ZBBX: variants seen among roughly 807,000 people sequenced by gnomAD.
ZBBX encodes the protein zinc finger B-box domain-containing protein 1.
A neutral mutation model predicts 108.5 loss-of-function variants in ZBBX; 101 were observed. The observed-to-expected ratio is 0.93, with a 90% CI of 0.79 to 1.10. The LOEUF is 1.10. Ranked by LOEUF, ZBBX falls within the 50% of genes least tolerant of loss-of-function variation. ZBBX has a pLI of 0.00. For synonymous variants in ZBBX, 356 were observed against 323.4 expected (o/e 1.10, Z -1.08); for missense variants, 1,009 against 941.4 (o/e 1.07, Z -0.94).
chr3:167,204,243 C>CT, the ZBBX span, among the ~76,000 whole-genome samples: 612 of 28,370 alleles, frequency 0.022, 2 homozygotes, highest in African/African-American at 0.064. Flanking sequence ...CTTTTCTTTT[C>CT]TTTTTTTTTT....
At chr3:167,251,925 AACACACACACAC>A (rs3221849) in intron 20 of ZBBX, among the ~76,000 whole-genome samples, 1 of 143,724 alleles carries the variant, frequency 7.0e-6, no homozygotes, top group African/African-American at 2.6e-5. Context: ...TTGTGCCTGC[AACACACACACAC>A]ACACACACAC....
chr3:167,330,871 G>GAAGAATAAGAAGAAGAAGAAGAAGA (rs1553820669), intron 10 of ZBBX, among the ~76,000 whole-genome samples: 1 of 43,916 alleles, frequency 2.3e-5, no homozygotes, highest in Non-Finnish European at 4.5e-5. Context: ...GGAGGAGGAG[G>GAAGAATAAGAAGAAGAAGAAGAAGA]AGAAGAAGAA....
At chr3:167,222,222 CAA>C in the ZBBX span, among the ~76,000 whole-genome samples, 5,125 of 143,224 alleles carry the variant, frequency 0.036, 131 homozygotes, top group African/African-American at 0.072. Context: ...ACTATTTGGC[CAA>C]AAAAAAAAAA....
At chr3:167,320,450 A>C (rs1736254205) in intron 12 of ZBBX, among the ~76,000 whole-genome samples, 2 of 152,010 alleles carry the variant, frequency 1.3e-5, no homozygotes. Context: ...TTCTTTTAAG[A>C]GGAATTCCAA....
intron 20 of ZBBX, among the ~76,000 whole-genome samples, chr3:167,277,962 A>G (rs912118558): frequency 3.3e-5 from 5 of 150,292 alleles, no homozygotes; most frequent in African/African-American, 9.9e-5. Context: ...AAACCACTCA[A>G]CTACATGGAA....
At chr3:167,277,444 C>T (rs1370384559) in intron 20 of ZBBX, among the ~76,000 whole-genome samples, 2 of 152,024 alleles carry the variant, frequency 1.3e-5, no homozygotes, top group Non-Finnish European at 2.9e-5. Flanking sequence ...GCAGGGATTG[C>T]AATCCTAGTC....
At chr3:167,228,583 C>A in the ZBBX span, among the ~76,000 whole-genome samples, 2 of 151,824 alleles carry the variant, frequency 1.3e-5, no homozygotes, top group Non-Finnish European at 2.9e-5. Flanking sequence ...AATGCGTTTG[C>A]ATTCCCTGAT....
intron 20 of ZBBX, among the ~76,000 whole-genome samples, chr3:167,270,249 G>A (rs1236786862): frequency 6.6e-6 from 1 of 152,122 alleles, no homozygotes; most frequent in Non-Finnish European, 1.5e-5. Flanking sequence ...AATAGTGCCG[G>A]AGCAAGTTGA....
rs1350238018 is a variant in ZBBX, at chr3:167,282,346, C to T, written c.2146G>A (p.Glu716Lys). ...TTCTGGTCAGTAATATCAATATATT[C>T]AATTTCTGAAATTTCAGAAGCAGCT... ...SRAASEISEI[E>K]YIDITDQNEL... Residue 716 changes from glutamate (E) to lysine (K), a missense_variant, in exon 20 of 22, where the codon GAA (glutamate) becomes AAA (lysine). Coordinates refer to ENST00000675490, the MANE Select transcript of ZBBX (RefSeq NM_001199201.2). The T allele has an allele frequency of 6.2e-7, 1 of 1,614,038 alleles. No homozygotes were observed. The highest frequency in any genetic ancestry group is 2.2e-5 in the East Asian group (1 of 44,866).
intron 17 of ZBBX, among the ~76,000 whole-genome samples, chr3:167,302,640 A>G (rs904361696): frequency 6.6e-6 from 1 of 152,170 alleles, no homozygotes; most frequent in Non-Finnish European, 1.5e-5. Flanking sequence ...GAAGGGTCTG[A>G]GATTTTATCC....
the ZBBX span, among the ~76,000 whole-genome samples, chr3:167,194,257 T>TATA: frequency 3.3e-5 from 5 of 150,012 alleles, no homozygotes; most frequent in Admixed American, 6.7e-5. Context: ...TATATGTATA[T>TATA]TCATTTTTAA....
At chr3:167,337,240 G>T (rs1440832272) in intron 9 of ZBBX, among the ~76,000 whole-genome samples, 1 of 152,112 alleles carries the variant, frequency 6.6e-6, no homozygotes, top group Non-Finnish European at 1.5e-5. Context: ...TATTTAGGCT[G>T]GGCAGGGTGG....
chr3:167,200,085 T>C, the ZBBX span, among the ~76,000 whole-genome samples: 1 of 152,150 alleles, frequency 6.6e-6, no homozygotes, highest in African/African-American at 2.4e-5. Flanking sequence ...TGTCTGTCTA[T>C]GTCTCTTCTT....
At chr3:167,327,913 C>CAAAAAA (rs10645171) in intron 11 of ZBBX, 29 bp downstream of exon 11, 62 of 1,160,912 alleles carry the variant, frequency 5.3e-5, no homozygotes, top group East Asian at 2.1e-4. Flanking sequence ...GACTCTGTCT[C>CAAAAAA]AAAAAAAAAA....
the ZBBX span, among the ~76,000 whole-genome samples, chr3:167,193,152 G>A: frequency 6.6e-6 from 1 of 152,060 alleles, no homozygotes; most frequent in Non-Finnish European, 1.5e-5. Flanking sequence ...TTACCTGTTG[G>A]TTGTCTTTCT....
chr3:167,398,558 A>AAT (rs1420629027), intron 1 of ZBBX, among the ~76,000 whole-genome samples: 2 of 152,072 alleles, frequency 1.3e-5, no homozygotes, highest in Admixed American at 6.6e-5. Context: ...TTTATTATGT[A>AAT]ATATATATAA....
intron 16 of ZBBX, among the ~76,000 whole-genome samples, chr3:167,310,537 AT>A (rs1734401796): frequency 6.6e-6 from 1 of 152,178 alleles, no homozygotes; most frequent in Non-Finnish European, 1.5e-5. Context: ...CAGGAGTCTT[AT>A]AATCATGGCA....
At chr3:167,197,318 C>G in the ZBBX span, among the ~76,000 whole-genome samples, 4 of 152,168 alleles carry the variant, frequency 2.6e-5, no homozygotes, top group Admixed American at 2.0e-4. Context: ...GCGGGCAGAT[C>G]ACGAGGTCAG....
At chr3:167,276,995 AG>A (rs1170595834) in intron 20 of ZBBX, among the ~76,000 whole-genome samples, 2 of 152,202 alleles carry the variant, frequency 1.3e-5, no homozygotes, top group South Asian at 2.1e-4. Flanking sequence ...AGCCAAACTA[AG>A]CTTCATAAGT....
Sources: allele counts gnomAD v4.1 joint callset (sites outside exome capture counted in the v4.1 genomes callset), GRCh38; gene constraint gnomAD v4.1.1; transcripts MANE v1.5; gene names NCBI Gene and HGNC (gene_info 2026-07-23, HGNC 2026-07-21).